EYA3: variants seen among roughly 807,000 people sequenced by gnomAD.
EYA3 encodes protein phosphatase EYA3.
Under a neutral mutation model 80.0 loss-of-function variants are expected in EYA3, and 39 were observed. The ratio of observed to expected loss-of-function variants is 0.49; its 90% CI spans 0.38 to 0.64. The LOEUF (loss-of-function observed/expected upper bound fraction) is 0.64. Ranked by LOEUF, EYA3 falls within the 30% of genes least tolerant of loss-of-function variation. The pLI, the probability that EYA3 is intolerant of heterozygous loss-of-function variation, is 0.00. For missense variants in EYA3, 523 were observed against 676.1 expected, an observed-to-expected ratio of 0.77 and a Z score of 2.51; for synonymous variants, 206 against 232.8, an observed-to-expected ratio of 0.88 and a Z score of 1.05.
Position 28,027,937 on chromosome 1 carries a change from T to C in EYA3, c.362-11A>G, listed in dbSNP as rs1284407099. On this transcript the variant is annotated splice_polypyrimidine_tract_variant and intron_variant, in intron 6 of 17. Coordinates refer to ENST00000373871, the MANE Select transcript of EYA3 (RefSeq NM_001990.4). ...CTGGCCACAATGCACCTGAATCAGA[T>C]AAATTGGACCAATTACAAACAATAC... 6.2e-7 allele frequency: 1 copy of C among 1,613,966 alleles called. No homozygotes were observed. Among genetic ancestry groups the C allele is most frequent in the Non-Finnish European group, 8.5e-7 (1 of 1,179,958 alleles).
At chr1:27,982,800 G>A (rs1032704528) in intron 16 of EYA3, among the ~76,000 whole-genome samples, 25 of 151,782 alleles carry the variant, frequency 1.6e-4, no homozygotes, top group Admixed American at 1.6e-3. Flanking sequence ...TGGCCAGGCA[G>A]GTGATCCACC....
intron 1 of EYA3, among the ~76,000 whole-genome samples, chr1:28,075,187 T>G (rs1244255567): frequency 6.6e-6 from 1 of 152,194 alleles, no homozygotes; most frequent in Non-Finnish European, 1.5e-5. Flanking sequence ...TTCCTAAGCA[T>G]GCAGCACACA....
At chr1:28,012,971 A>G in intron 9 of EYA3, 140 bp downstream of exon 9, 1 of 831,964 alleles carries the variant, frequency 1.2e-6, no homozygotes, top group Non-Finnish European at 1.9e-6. Flanking sequence ...GCCTGCTTCC[A>G]ATACTCCTCA....
intron 13 of EYA3, among the ~76,000 whole-genome samples, chr1:27,995,402 C>A (rs1421902634): frequency 7.5e-6 from 1 of 133,024 alleles, no homozygotes; most frequent in East Asian, 2.2e-4. Flanking sequence ...GGTGCCAGAG[C>A]GAGACCCTAT....
intron 11 of EYA3, 48 bp downstream of exon 11, chr1:28,004,288 C>CTATA (rs1557553666): frequency 7.5e-7 from 1 of 1,338,908 alleles, no homozygotes; most frequent in Admixed American, 1.8e-5. Flanking sequence ...GAGGGACTGA[C>CTATA]TATATAGTCA....
intron 1 of EYA3, among the ~76,000 whole-genome samples, chr1:28,068,013 T>G (rs964641213): frequency 6.6e-6 from 1 of 152,174 alleles, no homozygotes; most frequent in African/African-American, 2.4e-5. Flanking sequence ...TCTGAAGTTT[T>G]TTGTCCTCTT....
At chr1:28,059,837 C>T (rs952282884) in intron 1 of EYA3, among the ~76,000 whole-genome samples, 3 of 151,362 alleles carry the variant, frequency 2.0e-5, no homozygotes, top group Admixed American at 2.0e-4. Flanking sequence ...TTTTCTGCCT[C>T]AGGCTCCCAA....
At chr1:28,041,304 C>T (rs1643763227) in intron 4 of EYA3, among the ~76,000 whole-genome samples, 1 of 152,118 alleles carries the variant, frequency 6.6e-6, no homozygotes. Flanking sequence ...GCAGAGGTTG[C>T]AGTGAGCGGA....
intron 12 of EYA3, chr1:27,998,152 TA>T: frequency 4.7e-6 from 1 of 214,634 alleles, no homozygotes; most frequent in Non-Finnish European, 8.0e-6. Flanking sequence ...GGAAGTTTTT[TA>T]AAAATGCATA....
At chr1:28,000,755 C>A (rs552982781) in intron 11 of EYA3, among the ~76,000 whole-genome samples, 1 of 152,054 alleles carries the variant, frequency 6.6e-6, no homozygotes, top group African/African-American at 2.4e-5. Flanking sequence ...AAAGCAAGAC[C>A]CCCGTCTCCA....
At position 28,058,097 on chromosome 1, in the gene EYA3, GT is replaced by G; in HGVS notation, c.-68-4del. The G allele has an allele frequency of 1.5e-6, 2 of 1,311,308 alleles. No homozygotes were observed. 81.2% of individuals were successfully genotyped at this position (1,311,308 alleles called of 1,614,324 possible). A position where few individuals can be genotyped will look rare whatever the true frequency, so the allele number is the denominator to read the frequency against. ...TCTCTCTCAGCAGTTTTCACAATCT[GT>G]TTTTAAAAAGGAGGATTCAAAGCTT... is the stretch of plus-strand genomic sequence containing the variant. On this transcript the variant is annotated splice_region_variant and splice_polypyrimidine_tract_variant and intron_variant, in intron 1 of 17. Transcript: ENST00000373871.
intron 7 of EYA3, among the ~76,000 whole-genome samples, chr1:28,020,667 CGTGTGTGTGTGTGTGTGTGTGT>C (rs56017264): frequency 8.9e-4 from 120 of 134,564 alleles, no homozygotes; most frequent in Admixed American, 2.5e-3. Context: ...TACAGATCAT[CGTGTGTGTGTGTGTGTGTGTGT>C]GTGTGTGTGT....
chr1:27,980,427 T>G (rs1469537635), intron 16 of EYA3, among the ~76,000 whole-genome samples: 1 of 152,190 alleles, frequency 6.6e-6, no homozygotes, highest in African/African-American at 2.4e-5. Context: ...AACTCATATT[T>G]TGAGGATAAG....
At chr1:28,077,104 CTT>C (rs377204823) in intron 1 of EYA3, among the ~76,000 whole-genome samples, 115 of 114,066 alleles carry the variant, frequency 1.0e-3, no homozygotes, top group African/African-American at 3.1e-3. Context: ...ACAAAACAAT[CTT>C]TTTTTTTTTT....
intron 10 of EYA3, among the ~76,000 whole-genome samples, chr1:28,007,405 G>A (rs1369230583): frequency 6.6e-6 from 1 of 150,516 alleles, no homozygotes; most frequent in Non-Finnish European, 1.5e-5. Context: ...TACGATCTCG[G>A]CTCACTGCAA....
intron 12 of EYA3, among the ~76,000 whole-genome samples, chr1:27,997,667 T>C (rs1261063270): frequency 1.3e-5 from 2 of 152,190 alleles, no homozygotes; most frequent in African/African-American, 4.8e-5. Flanking sequence ...TCCCTTACAC[T>C]TCAAATGTTC....
At chr1:28,068,709 A>C (rs983564829) in intron 1 of EYA3, among the ~76,000 whole-genome samples, 2 of 152,184 alleles carry the variant, frequency 1.3e-5, no homozygotes, top group African/African-American at 4.8e-5. Context: ...TAGCAAAAAA[A>C]CCCACAAAAA....
At chr1:28,000,216 G>A (rs770023701) in intron 11 of EYA3, among the ~76,000 whole-genome samples, 167 bp from the exon 12 acceptor site, 1 of 152,176 alleles carries the variant, frequency 6.6e-6, no homozygotes, top group Non-Finnish European at 1.5e-5. Context: ...ATCCAGGATT[G>A]TAAAATAGAG....
At position 28,013,377 on chromosome 1, in the gene EYA3, TTATTCA is replaced by T. The variant is rs1641826144; in HGVS notation, c.586-89_586-84del. The stretch of plus-strand genomic sequence containing the variant: ...CAAGAGGCTTTCTTCTCCCTCTTTC[TTATTCA>T]TAATTATTTTTCTAAAACATTAATT... On this transcript the variant is annotated intron_variant, in intron 8 of 17. Transcript: ENST00000373871. This position sits in a 1 kb window ranked among gnomAD's most constrained non-coding sequence, Gnocchi z 4.0. The T allele has an allele frequency of 3.5e-6, 4 of 1,138,094 alleles. No homozygotes were observed. In the South Asian group the frequency reaches 8.1e-5, roughly 23 times the overall value. The allele number at this position is 1,138,094 out of a possible 1,614,324, so 70.5% of individuals were successfully genotyped here.
Sources: allele counts gnomAD v4.1 joint callset (sites outside exome capture counted in the v4.1 genomes callset), GRCh38; gene constraint gnomAD v4.1.1; non-coding constraint Gnocchi (gnomAD v3.1); transcripts MANE v1.5; gene names NCBI Gene and HGNC (gene_info 2026-07-23, HGNC 2026-07-21).